Variants in SGPL1 observed in about 807,000 individuals in gnomAD.
SGPL1 encodes the protein sphingosine-1-phosphate lyase 1, also known as SP-lyase 1.
SGPL1 carries 37 observed loss-of-function variants against 68.9 expected under a neutral mutation model. The observed-to-expected ratio is 0.54, with a 90% CI of 0.41 to 0.71. The LOEUF is 0.71. Ranked by LOEUF, SGPL1 falls within the 30% of genes least tolerant of loss-of-function variation. SGPL1 has a pLI of 0.00. For synonymous variants in SGPL1, 236 were observed against 248.5 expected (o/e 0.95, Z 0.47); for missense variants, 551 against 704.6 (o/e 0.78, Z 2.47).
At chr10:70,849,982 A>G (rs1284822513) in intron 3 of SGPL1, among the ~76,000 whole-genome samples, 2 of 152,166 alleles carry the variant, frequency 1.3e-5, no homozygotes, top group Non-Finnish European at 2.9e-5. Context: ...CGTAGATGGT[A>G]TATAATGCCT....
intron 3 of SGPL1, among the ~76,000 whole-genome samples, 163 bp downstream of exon 3, chr10:70,844,801 CTGATCTTGGCTCACTG>C (rs897686863): frequency 6.6e-6 from 1 of 152,108 alleles, no homozygotes; most frequent in African/African-American, 2.4e-5. Context: ...GTGCACTGGC[CTGATCTTGGCTCACTG>C]CAACCTCTGC....
At chr10:70,860,718 T>A (rs1342309135) in intron 7 of SGPL1, among the ~76,000 whole-genome samples, 1 of 152,176 alleles carries the variant, frequency 6.6e-6, no homozygotes, top group Non-Finnish European at 1.5e-5. Flanking sequence ...TACATATATC[T>A]TATGACCCAG....
At chr10:70,844,691 A>G in intron 3 of SGPL1, 53 bp downstream of exon 3, 8 of 1,508,960 alleles carry the variant, frequency 5.3e-6, no homozygotes, top group Non-Finnish European at 7.3e-6. Flanking sequence ...CTAGCCTCAA[A>G]CTAATTGCTG....
intron 2 of SGPL1, among the ~76,000 whole-genome samples, chr10:70,837,279 T>C (rs1845641391): frequency 6.6e-6 from 1 of 152,108 alleles, no homozygotes; most frequent in South Asian, 2.1e-4. Flanking sequence ...GGTTTCCCCA[T>C]GTTAGCCAGG....
At position 70,880,276 on chromosome 10, in the gene SGPL1, A is replaced by C. The variant is rs756172539; in HGVS notation, c.*2941A>C. 2 of 152,260 alleles carry C rather than the reference A, an allele frequency of 1.3e-5. No homozygotes were observed. The highest frequency in any genetic ancestry group is 2.4e-5 in the African/African-American group (1 of 41,460). 9.4% of individuals were successfully genotyped at this position (152,260 alleles called of 1,614,324 possible). On this transcript the variant is annotated 3_prime_UTR_variant, in exon 15 of 15. Coordinates refer to ENST00000373202, the MANE Select transcript of SGPL1 (RefSeq NM_003901.4). ...ACCAATGAAAGAGACACAGTTAAGC[A>C]GCAATCCATCTCATTTCCAGGCACT...
At chr10:70,825,923 T>C (rs1845426858) in intron 2 of SGPL1, among the ~76,000 whole-genome samples, 1 of 152,232 alleles carries the variant, frequency 6.6e-6, no homozygotes, top group Admixed American at 6.5e-5. Flanking sequence ...GGCTCACGCC[T>C]GTAATCCCAA....
At chr10:70,868,513 C>A in intron 8 of SGPL1, 80 bp downstream of exon 8, 12 of 1,114,528 alleles carry the variant, frequency 1.1e-5, no homozygotes, top group Non-Finnish European at 1.6e-5. Context: ...GCAGATAATC[C>A]ATTTTCCTGC....
Position 70,879,702 on chromosome 10 carries a change from G to A in SGPL1, c.*2367G>A, listed in dbSNP as rs1846467135. 6.6e-6 allele frequency: 1 copy of A among 152,508 alleles called. No individual in the cohort carries two copies. Among genetic ancestry groups the A allele is most frequent in the African/African-American group, 2.4e-5 (1 of 41,438 alleles). The allele number at this position is 152,508 out of a possible 1,614,324, so 9.4% of individuals were successfully genotyped here. ...GACAACATTGGTGCCAGGGGAGATG[G>A]TGTTTTTCAAAGGGACCTACTGTAG... On this transcript the variant is annotated 3_prime_UTR_variant, in exon 15 of 15. Coordinates refer to ENST00000373202, the MANE Select transcript of SGPL1 (RefSeq NM_003901.4).
chr10:70,878,989 A>T lies in SGPL1; in HGVS notation c.*1654A>T, dbSNP rs752785784. On this transcript the variant is annotated 3_prime_UTR_variant, in exon 15 of 15. Transcript: ENST00000373202. ...TTCCTGCCTTCTTTCCCCTATAGGG[A>T]ACTCTGTAGGCTGAGCCACTGTCCT... 4.6e-5 allele frequency: 7 copies of T among 152,682 alleles called. No homozygotes were observed. The highest frequency in any genetic ancestry group is 8.8e-5 in the Non-Finnish European group (6 of 68,114). The allele number at this position is 152,682 out of a possible 1,614,324, so 9.5% of individuals were successfully genotyped here.
At chr10:70,847,397 C>T (rs533821475) in intron 3 of SGPL1, among the ~76,000 whole-genome samples, 2 of 152,270 alleles carry the variant, frequency 1.3e-5, no homozygotes, top group South Asian at 4.1e-4. Flanking sequence ...GATCCGCCCA[C>T]CTCAACCTCC....
chr10:70,831,447 A>G (rs1446176386), intron 2 of SGPL1, among the ~76,000 whole-genome samples: 1 of 152,168 alleles, frequency 6.6e-6, no homozygotes, highest in Non-Finnish European at 1.5e-5. Flanking sequence ...TGTCTGACTG[A>G]CTGTCTTCAA....
intron 3 of SGPL1, among the ~76,000 whole-genome samples, chr10:70,844,881 A>G (rs1287804510): frequency 6.6e-6 from 1 of 152,090 alleles, no homozygotes; most frequent in Non-Finnish European, 1.5e-5. Context: ...CTGGGACTAC[A>G]GGCACACGCC....
chr10:70,850,666 A>C (rs1302584524), intron 3 of SGPL1, among the ~76,000 whole-genome samples: 1 of 152,206 alleles, frequency 6.6e-6, no homozygotes, highest in East Asian at 1.9e-4. Flanking sequence ...GGCAGGTTAA[A>C]TAAATTTTGG....
At position 70,835,981 on chromosome 10, in the gene SGPL1, C is replaced by T. The variant is rs574123414; in HGVS notation, c.28-8492C>T. ...AGACAAGGAGGCAGTTTGAGAGGTA[C>T]GAGTTGTTATGGAAGCCTGAGAAAA... On this transcript the variant is annotated intron_variant, in intron 2 of 14. Transcript: ENST00000373202. Among the ~76,000 whole-genome samples, 93 of 152,236 alleles carry T rather than the reference C, an allele frequency of 6.1e-4. 1 individual carries two copies. In the South Asian group the frequency reaches 0.018, roughly 29 times the overall value.
chr10:70,834,053 G>C (rs531920502), intron 2 of SGPL1, among the ~76,000 whole-genome samples: 111 of 152,230 alleles, frequency 7.3e-4, no homozygotes, highest in Non-Finnish European at 1.3e-3. Context: ...TCTTTTCCCT[G>C]CTGCGTGAAT....
At chr10:70,840,139 T>C (rs1405720843) in intron 2 of SGPL1, among the ~76,000 whole-genome samples, 1 of 152,122 alleles carries the variant, frequency 6.6e-6, no homozygotes, top group Non-Finnish European at 1.5e-5. Context: ...GGGATGCTGC[T>C]GGATTGTAAT....
rs2881 is a variant in SGPL1 at position 70,880,043 on chromosome 10, A to T, written c.*2708A>T. 6.6e-6 allele frequency: 1 copy of T among 152,498 alleles called. No individual in the cohort carries two copies. Among genetic ancestry groups the T allele is most frequent in the Non-Finnish European group, 1.5e-5 (1 of 68,006 alleles). The allele number at this position is 152,498 out of a possible 1,614,324, so 9.4% of individuals were successfully genotyped here. On this transcript the variant is annotated 3_prime_UTR_variant, in exon 15 of 15. Coordinates refer to ENST00000373202, the MANE Select transcript of SGPL1 (RefSeq NM_003901.4). ...CTCTAACCTCCCCCTTCCCATTTCA[A>T]TGCTCCCTTCCTAATTTCAGCAATA...
At chr10:70,868,281 C>A in intron 7 of SGPL1, 64 bp from the exon 8 acceptor site, 1 of 1,099,704 alleles carries the variant, frequency 9.1e-7, no homozygotes, top group Non-Finnish European at 1.3e-6. Flanking sequence ...TTGTCAAGAT[C>A]AGGGCATGAA....
intron 3 of SGPL1, 87 bp downstream of exon 3, chr10:70,844,725 T>A (rs1312193747): frequency 7.9e-7 from 1 of 1,267,338 alleles, no homozygotes; most frequent in Non-Finnish European, 1.1e-6. Flanking sequence ...ATTTATTGCC[T>A]TTTGGTTGTT....
Sources: gnomAD v4.1 joint callset for allele counts (sites outside exome capture counted in the v4.1 genomes callset) on GRCh38, gnomAD v4.1.1 for gene constraint, MANE v1.5 for transcripts, NCBI Gene and HGNC (gene_info 2026-07-23, HGNC 2026-07-21) for gene names.